MARCHF1: variants seen among roughly 807,000 people sequenced by gnomAD.
MARCHF1 encodes the protein E3 ubiquitin-protein ligase MARCHF1.
In MARCHF1, 40 loss-of-function variants were observed where a neutral mutation model predicts 54.2. The observed-to-expected ratio is 0.74, with a 90% CI of 0.57 to 0.96. The LOEUF is 0.96. Ranked by LOEUF, MARCHF1 falls within the 40% of genes least tolerant of loss-of-function variation. MARCHF1 has a pLI of 0.00. For missense variants in MARCHF1, 586 were observed against 656.5 expected, an observed-to-expected ratio of 0.89 and a Z score of 1.17; for synonymous variants, 236 against 236.3, an observed-to-expected ratio of 1.00 and a Z score of 0.01.
chr4:164,189,929 G>A (rs1731079845), intron 1 of MARCHF1: 3 of 1,568,170 alleles, frequency 1.9e-6, no homozygotes, highest in Non-Finnish European at 2.6e-6. Context: ...AGGGTACAGG[G>A]AACAAAAATA....
intron 5 of MARCHF1, among the ~76,000 whole-genome samples, chr4:163,679,367 C>T (rs1039182891): frequency 2.0e-5 from 3 of 152,192 alleles, no homozygotes; most frequent in African/African-American, 4.8e-5. Flanking sequence ...CTAGAGCCTA[C>T]TGCCACTTAA....
Position 163,807,156 on chromosome 4 carries a change from G to T in MARCHF1, c.111+46865C>A, listed in dbSNP as rs145127617. 5.5e-3 allele frequency among the ~76,000 whole-genome samples: 833 copies of T among 152,276 alleles called. 15 individuals carry two copies. Among genetic ancestry groups the T allele is most frequent in the African/African-American group, 0.019 (801 of 41,574 alleles). Reference sequence around the variant, plus strand: ...ACTTTGTAAAATGCTTATAAAATTGGTGAAGAGGAGCACGGAAGTCTCCAG... The same window carrying T: ...ACTTTGTAAAATGCTTATAAAATTGTTGAAGAGGAGCACGGAAGTCTCCAG... On this transcript the variant is annotated intron_variant, in intron 4 of 9. Transcript: ENST00000514618.
intron 2 of MARCHF1, among the ~76,000 whole-genome samples, chr4:164,056,055 C>G (rs1319682591): frequency 1.3e-5 from 2 of 152,158 alleles, no homozygotes; most frequent in Admixed American, 6.5e-5. Context: ...CTGTAGCCTG[C>G]AGGAGTCCTT....
At chr4:163,919,048 C>A (rs1751370118) in intron 3 of MARCHF1, among the ~76,000 whole-genome samples, 1 of 152,080 alleles carries the variant, frequency 6.6e-6, no homozygotes, top group Non-Finnish European at 1.5e-5. Context: ...AAGCAAAAAT[C>A]TGTTTCAGTT....
chr4:164,177,518 T>C (rs982949517), intron 1 of MARCHF1, among the ~76,000 whole-genome samples: 2 of 736 alleles, frequency 2.7e-3, no homozygotes. Context: ...CAATATAGAT[T>C]TTTTTTTTTC....
intron 3 of MARCHF1, among the ~76,000 whole-genome samples, chr4:163,906,208 T>C (rs1751063676): frequency 6.6e-6 from 1 of 152,054 alleles, no homozygotes; most frequent in African/African-American, 2.4e-5. Flanking sequence ...TTCTTGTTGA[T>C]TACTGGCTTT....
chr4:164,241,960 C>A (rs1218297786), intron 1 of MARCHF1, among the ~76,000 whole-genome samples: 1 of 152,206 alleles, frequency 6.6e-6, no homozygotes, highest in Non-Finnish European at 1.5e-5. Context: ...TATCCCACAC[C>A]TGGCTCGGAG....
At chr4:163,727,271 A>C (rs1006344181) in intron 4 of MARCHF1, among the ~76,000 whole-genome samples, 4 of 151,504 alleles carry the variant, frequency 2.6e-5, no homozygotes, top group Non-Finnish European at 5.9e-5. Flanking sequence ...ATAAATTTTC[A>C]TGAAGGGTGT....
chr4:163,917,424 ATTG>A lies in MARCHF1; in HGVS notation c.-38-63258_-38-63256del, dbSNP rs77006211. On this transcript the variant is annotated intron_variant, in intron 3 of 9. Transcript: ENST00000514618. Reference sequence around the variant, plus strand: ...CTGTTCCACATCTTCTCTGGCATTTATTGTTATCAGTGTTCCAGATTTTGGCCT... The same window carrying A: ...CTGTTCCACATCTTCTCTGGCATTTATTATCAGTGTTCCAGATTTTGGCCT... 0.017 allele frequency among the ~76,000 whole-genome samples: 2,631 copies of A among 152,088 alleles called. 133 individuals are homozygous for A. In the East Asian group the frequency reaches 0.19, roughly 11 times the overall value.
intron 1 of MARCHF1, chr4:164,130,064 C>A (rs1733094010): frequency 6.6e-6 from 1 of 151,918 alleles, no homozygotes; most frequent in South Asian, 2.1e-4. Context: ...GTAAAAGCAT[C>A]TGCAATAAAA....
At chr4:163,666,888 T>C (rs1414111160) in intron 5 of MARCHF1, among the ~76,000 whole-genome samples, 2 of 152,130 alleles carry the variant, frequency 1.3e-5, no homozygotes, top group African/African-American at 4.8e-5. Flanking sequence ...TTTGATGTTC[T>C]TGTGTTATGC....
intron 2 of MARCHF1, among the ~76,000 whole-genome samples, chr4:164,091,291 C>A (rs1755293620): frequency 1.3e-5 from 2 of 151,612 alleles, no homozygotes; most frequent in East Asian, 1.9e-4. Flanking sequence ...ACATGCACAT[C>A]ATTTTTAATA....
At chr4:163,832,753 C>T (rs1228263147) in intron 4 of MARCHF1, among the ~76,000 whole-genome samples, 1 of 142,888 alleles carries the variant, frequency 7.0e-6, no homozygotes, top group South Asian at 2.4e-4. Context: ...CCCAACCCCA[C>T]AACAGTCTCC....
intron 1 of MARCHF1, among the ~76,000 whole-genome samples, chr4:164,155,496 TGTTCTCTAGTCTTG>T (rs1387801985): frequency 6.6e-6 from 1 of 152,182 alleles, no homozygotes; most frequent in East Asian, 1.9e-4. Flanking sequence ...GCAAAATATA[TGTTCTCTAGTCTTG>T]GTTCTCTACA....
At chr4:164,146,977 G>GA (rs899432207) in intron 1 of MARCHF1, among the ~76,000 whole-genome samples, 7 of 150,674 alleles carry the variant, frequency 4.6e-5, no homozygotes, top group Non-Finnish European at 4.4e-5. Context: ...AAATTTACAA[G>GA]AAAAAAACAA....
intron 9 of MARCHF1, among the ~76,000 whole-genome samples, chr4:163,530,860 C>T (rs1738323482): frequency 6.6e-6 from 1 of 151,766 alleles, no homozygotes; most frequent in Non-Finnish European, 1.5e-5. Context: ...TTACTTAATC[C>T]TAATGGAAAT....
In MARCHF1 at chr4:163,968,286, G is replaced by C. The variant is rs139995576; in HGVS notation, c.-39+20215C>G. Reference sequence around the variant, plus strand: ...AAATTCTTGACTTGGTTTTTTGCAAGACATTTTAAAAACTCACTTAAAGAC... The same window carrying C: ...AAATTCTTGACTTGGTTTTTTGCAACACATTTTAAAAACTCACTTAAAGAC... On this transcript the variant is annotated intron_variant, in intron 3 of 9. Transcript: ENST00000514618. Among the ~76,000 whole-genome samples the C allele has an allele frequency of 1.9e-3, 295 of 152,150 alleles. 4 individuals are homozygous for C. Among genetic ancestry groups the C allele is most frequent in the African/African-American group, 6.8e-3 (284 of 41,534 alleles).
At chr4:164,067,643 G>A (rs1254147916) in intron 2 of MARCHF1, among the ~76,000 whole-genome samples, 1 of 152,008 alleles carries the variant, frequency 6.6e-6, no homozygotes, top group Non-Finnish European at 1.5e-5. Context: ...AGAAACCTAG[G>A]AAATACCCTT....
Position 164,243,102 on chromosome 4 carries a change from C to T in MARCHF1, c.-322-131440G>A, listed in dbSNP as rs1342580981. On this transcript the variant is annotated intron_variant, in intron 1 of 9. Transcript: ENST00000514618. ...TCCCCAATCTAGCAAGGCAGGCCAA[C>T]GTTCAGATTCAGGAAATACAGAGAA... is the stretch of plus-strand genomic sequence containing the variant. Among the ~76,000 whole-genome samples the T allele has an allele frequency of 8.2e-3, 982 of 119,118 alleles. 4 individuals carry two copies. Among genetic ancestry groups the T allele is most frequent in the African/African-American group, 0.03 (913 of 30,208 alleles). The allele number at this position is 119,118 out of a possible 152,430, so 78.1% of individuals were successfully genotyped here.
Sources: gnomAD v4.1 joint callset for allele counts (sites outside exome capture counted in the v4.1 genomes callset) on GRCh38, gnomAD v4.1.1 for gene constraint, MANE v1.5 for transcripts, NCBI Gene and HGNC (gene_info 2026-07-23, HGNC 2026-07-21) for gene names.